RAB3IP: variants seen among roughly 807,000 people sequenced by gnomAD.
RAB3IP encodes the protein RAB3A interacting protein.
A neutral mutation model predicts 59.1 loss-of-function variants in RAB3IP; 36 were observed. That is an observed-to-expected ratio of 0.61 (90% CI 0.47 to 0.80). The LOEUF (loss-of-function observed/expected upper bound fraction) is 0.80. Among genes scored for constraint, RAB3IP ranks in the 30% least tolerant of loss-of-function variants. RAB3IP has a pLI of 0.00. For missense variants in RAB3IP, 511 were observed against 536.0 expected (o/e 0.95, Z 0.46); for synonymous variants, 207 against 191.2 (o/e 1.08, Z -0.68).
intron 3 of RAB3IP, among the ~76,000 whole-genome samples, chr12:69,779,469 A>C (rs1874258691): frequency 6.7e-6 from 1 of 149,524 alleles, no homozygotes; most frequent in Non-Finnish European, 1.5e-5. Flanking sequence ...TCCCTCTTGA[A>C]CTCCAATTAC....
chr12:69,748,313 T>G (rs1436720689), intron 1 of RAB3IP, among the ~76,000 whole-genome samples: 2 of 152,186 alleles, frequency 1.3e-5, no homozygotes, highest in Admixed American at 6.5e-5. Flanking sequence ...TAGGGATGGC[T>G]TTTGTTTTCA....
chr12:69,795,611 A>G, intron 6 of RAB3IP: 1 of 521,454 alleles, frequency 1.9e-6, no homozygotes, highest in Non-Finnish European at 3.4e-6. Context: ...TGTGTTGTCT[A>G]GAGGAGAGTG....
intron 8 of RAB3IP, among the ~76,000 whole-genome samples, chr12:69,806,018 T>A (rs1406027645): frequency 3.3e-5 from 5 of 152,074 alleles, no homozygotes; most frequent in African/African-American, 4.8e-5. Flanking sequence ...TCATAAAATG[T>A]GTTAGGGAGG....
intron 1 of RAB3IP, among the ~76,000 whole-genome samples, chr12:69,751,432 G>A (rs555600642): frequency 8.3e-4 from 126 of 152,198 alleles, no homozygotes; most frequent in African/African-American, 2.9e-3. Flanking sequence ...ACATGGGTGC[G>A]CATGGCTCCT....
chr12:69,807,092 T>A (rs1592613986), intron 8 of RAB3IP, among the ~76,000 whole-genome samples: 1 of 152,202 alleles, frequency 6.6e-6, no homozygotes, highest in African/African-American at 2.4e-5. Context: ...GGTCGCTGTC[T>A]CTTCGGAGCT....
In RAB3IP at chr12:69,819,874, T is replaced by C. The variant is rs956251576; in HGVS notation, c.*4428T>C. 5.3e-5 allele frequency: 8 copies of C among 152,216 alleles called. No individual in the cohort carries two copies. The highest frequency in any genetic ancestry group is 1.4e-4 in the African/African-American group (6 of 41,432). 9.4% of individuals were successfully genotyped at this position (152,216 alleles called of 1,614,324 possible). On this transcript the variant is annotated 3_prime_UTR_variant, in exon 11 of 11. Coordinates refer to ENST00000247833, the MANE Select transcript of RAB3IP (RefSeq NM_022456.5). ...TAGTTAGGTGGCCACTCCTCTCTCTTCATGGTCTCTCTCAGCTTGAAGACA... is the reference window on the plus strand; with the variant it reads ...TAGTTAGGTGGCCACTCCTCTCTCTCCATGGTCTCTCTCAGCTTGAAGACA...
intron 2 of RAB3IP, 137 bp downstream of exon 2, chr12:69,755,796 A>G (rs12367868): frequency 0.13 from 88,258 of 697,158 alleles, 6,790 homozygotes; most frequent in Middle Eastern, 0.16. Flanking sequence ...ATGACCTGAT[A>G]ATGTTCTAGA....
chr12:69,802,053 A>G (rs1342163738), intron 8 of RAB3IP, among the ~76,000 whole-genome samples: 4 of 150,486 alleles, frequency 2.7e-5, no homozygotes, highest in African/African-American at 9.8e-5. Flanking sequence ...TAAACTAGAG[A>G]TAGAAACCGG....
At chr12:69,782,055 C>T (rs1045358288) in intron 3 of RAB3IP, among the ~76,000 whole-genome samples, 1 of 152,172 alleles carries the variant, frequency 6.6e-6, no homozygotes, top group Non-Finnish European at 1.5e-5. Context: ...GTTTTAATCC[C>T]CCTTTGGGGG....
chr12:69,795,676 G>A (rs1877326694), intron 6 of RAB3IP: 2 of 410,744 alleles, frequency 4.9e-6, no homozygotes, highest in Non-Finnish European at 8.6e-6. Flanking sequence ...CGCTTACAAA[G>A]TATGGATATA....
At position 69,794,480 on chromosome 12, in the gene RAB3IP, C is replaced by A; in HGVS notation, c.650C>A (p.Thr217Lys). The change falls in exon 5 of 11, where the codon ACA becomes AAA. Residue 217 changes from threonine (T) to lysine (K), a missense_variant. Transcript: ENST00000247833. Reference protein sequence around the residue: ...MVREANIKQATAEKQLKEAQG... With the variant: ...MVREANIKQAKAEKQLKEAQG... ...AGAGAAGCAAATATCAAGCAGGCAA[C>A]AGCAGAAAAACAGCTAAAAGAAGCA... The A allele has an allele frequency of 1.9e-6, 3 of 1,613,060 alleles. No individual in the cohort carries two copies. The South Asian group carries it at 3.3e-5, about 18-fold the overall frequency.
intron 8 of RAB3IP, among the ~76,000 whole-genome samples, chr12:69,803,570 A>T (rs1878734713): frequency 6.6e-6 from 1 of 152,006 alleles, no homozygotes; most frequent in African/African-American, 2.4e-5. Flanking sequence ...ATATGTATAC[A>T]TGGGCCATGT....
chr12:69,795,142 T>C lies in RAB3IP; in HGVS notation c.686T>C (p.Ile229Thr), dbSNP rs750618008. ...TGACTATGTTGATTTCTTTCCAAGATTGATGTACTTCAAGCTGAAGTAGCT... is the reference window on the plus strand; with the variant it reads ...TGACTATGTTGATTTCTTTCCAAGACTGATGTACTTCAAGCTGAAGTAGCT... The part of the protein sequence containing the change: ...EKQLKEAQGK[I>T]DVLQAEVAAL... The change falls in exon 6 of 11, where the codon ATT becomes ACT. Residue 229 changes from isoleucine (I) to threonine (T), a missense_variant and splice_region_variant. By Grantham distance (89) the Ile-to-Thr change is moderately conservative. Transcript: ENST00000247833. The C allele has an allele frequency of 3.1e-6, 5 of 1,611,248 alleles. No homozygotes were observed. The highest frequency in any genetic ancestry group is 4.2e-6 in the Non-Finnish European group (5 of 1,177,858).
chr12:69,811,972 A>T (rs1248817368), intron 8 of RAB3IP: 1 of 152,216 alleles, frequency 6.6e-6, no homozygotes, highest in Admixed American at 6.5e-5. Flanking sequence ...GTATTGAGCC[A>T]GGTTCCTAGC....
chr12:69,742,472 C>A (rs1887438413), intron 1 of RAB3IP, among the ~76,000 whole-genome samples: 1 of 151,880 alleles, frequency 6.6e-6, no homozygotes, highest in Admixed American at 6.6e-5. Flanking sequence ...TATTTATGAA[C>A]TTTGATATTT....
chr12:69,808,756 A>C (rs1879898653), intron 8 of RAB3IP, among the ~76,000 whole-genome samples: 2 of 152,022 alleles, frequency 1.3e-5, no homozygotes, highest in Admixed American at 6.6e-5. Flanking sequence ...TGCTTGGTAG[A>C]TCTTCCTCCA....
At chr12:69,805,417 A>G (rs577961328) in intron 8 of RAB3IP, among the ~76,000 whole-genome samples, 1 of 152,286 alleles carries the variant, frequency 6.6e-6, no homozygotes, top group Admixed American at 6.5e-5. Context: ...GGGGTTTTCT[A>G]TGTGTACAAT....
At chr12:69,750,534 C>G (rs1869083685) in intron 1 of RAB3IP, among the ~76,000 whole-genome samples, 1 of 147,614 alleles carries the variant, frequency 6.8e-6, no homozygotes, top group African/African-American at 2.5e-5. Flanking sequence ...TATAAATTCC[C>G]TCTACCTCGT....
intron 3 of RAB3IP, among the ~76,000 whole-genome samples, chr12:69,756,941 C>T (rs1870333460): frequency 6.6e-6 from 1 of 152,172 alleles, no homozygotes; most frequent in Admixed American, 6.5e-5. Flanking sequence ...ATCTGTAATG[C>T]AGATTGAGTG....
Sources: allele counts gnomAD v4.1 joint callset (sites outside exome capture counted in the v4.1 genomes callset), GRCh38; gene constraint gnomAD v4.1.1; transcripts MANE v1.5; gene names NCBI Gene and HGNC (gene_info 2026-07-23, HGNC 2026-07-21).